KALRN: variants seen among roughly 807,000 people sequenced by gnomAD.
KALRN encodes kalirin.
In KALRN, 70 loss-of-function variants were observed where a neutral mutation model predicts 353.7. The ratio of observed to expected loss-of-function variants is 0.20; its 90% CI spans 0.16 to 0.24. The LOEUF is 0.24. Ranked by LOEUF, KALRN falls within the 10% of genes least tolerant of loss-of-function variation. The probability of loss-of-function intolerance (pLI) is 1.00; values close to 1 mark genes in which losing one functional copy is unlikely to be tolerated. For synonymous variants in KALRN, 1,391 were observed against 1,434.8 expected, an observed-to-expected ratio of 0.97 and a Z score of 0.69; for missense variants, 2,791 against 3,756.7, an observed-to-expected ratio of 0.74 and a Z score of 6.72.
chr3:124,524,230 GT>G (rs1216201497), intron 33 of KALRN, among the ~76,000 whole-genome samples: 1 of 152,104 alleles, frequency 6.6e-6, no homozygotes, highest in Non-Finnish European at 1.5e-5. Context: ...TAGTTGATGA[GT>G]TTTTTCAGCT....
chr3:124,348,080 C>T (rs1368059776), intron 10 of KALRN, among the ~76,000 whole-genome samples: 9 of 152,224 alleles, frequency 5.9e-5, no homozygotes, highest in Middle Eastern at 6.8e-3. Context: ...TTTTCATTTT[C>T]GAGATGAAAT....
At chr3:124,137,492 G>C (rs1275625571) in intron 1 of KALRN, among the ~76,000 whole-genome samples, 1 of 152,122 alleles carries the variant, frequency 6.6e-6, no homozygotes, top group Non-Finnish European at 1.5e-5. Context: ...TTTGTGCAGA[G>C]GATGTAAGGA....
At chr3:124,640,330 A>G (rs1162241929) in intron 37 of KALRN, among the ~76,000 whole-genome samples, 1 of 132,172 alleles carries the variant, frequency 7.6e-6, no homozygotes, top group Admixed American at 8.9e-5. Flanking sequence ...TCTGTCGCCC[A>G]GGCTGGAGTG....
chr3:124,402,296 A>T (rs1354153662), intron 13 of KALRN, among the ~76,000 whole-genome samples: 1 of 152,242 alleles, frequency 6.6e-6, no homozygotes, highest in Non-Finnish European at 1.5e-5. Context: ...TGTTAGTCAG[A>T]TGTTCAAAAC....
intron 1 of KALRN, among the ~76,000 whole-genome samples, chr3:124,177,569 A>G (rs1380168979): frequency 6.6e-6 from 1 of 152,208 alleles, no homozygotes; most frequent in African/African-American, 2.4e-5. Context: ...AGTAATATCC[A>G]TGCAGATTAC....
At chr3:124,055,714 A>T (rs1429095563) in intron 1 of KALRN, among the ~76,000 whole-genome samples, 3 of 152,134 alleles carry the variant, frequency 2.0e-5, no homozygotes, top group Non-Finnish European at 4.4e-5. Context: ...GGTTTCCTGG[A>T]GGCCCTAGAG....
At chr3:124,395,067 C>T (rs1576557014) in intron 11 of KALRN, 68 bp from the exon 12 acceptor site, 16 of 1,270,916 alleles carry the variant, frequency 1.3e-5, no homozygotes, top group Non-Finnish European at 1.7e-5. Context: ...AGTCTAGCTT[C>T]CTTGCCCTCA....
At chr3:124,469,191 A>G (rs1458341131) in intron 25 of KALRN, among the ~76,000 whole-genome samples, 2 of 152,264 alleles carry the variant, frequency 1.3e-5, no homozygotes, top group Admixed American at 1.3e-4. Context: ...TGGCAAAAAC[A>G]TATTCAACAG....
At chr3:124,237,366 C>CTTTTTTTTTTTT (rs551869197) in intron 3 of KALRN, among the ~76,000 whole-genome samples, 1 of 135,630 alleles carries the variant, frequency 7.4e-6, no homozygotes, top group Admixed American at 7.7e-5. Flanking sequence ...TCATTTGATG[C>CTTTTTTTTTTTT]TTTTTTTTTT....
At chr3:124,153,200 C>G (rs1172918025) in intron 1 of KALRN, 1 of 151,202 alleles carries the variant, frequency 6.6e-6, no homozygotes, top group Non-Finnish European at 1.5e-5. Flanking sequence ...ATGTGCCATG[C>G]TGGTGTGCTG....
intron 25 of KALRN, among the ~76,000 whole-genome samples, chr3:124,469,583 G>A (rs1285614267): frequency 6.6e-6 from 1 of 152,180 alleles, no homozygotes; most frequent in Non-Finnish European, 1.5e-5. Context: ...CATGAAGGCA[G>A]TTACCCAGCC....
intron 1 of KALRN, among the ~76,000 whole-genome samples, chr3:124,176,985 A>T (rs1202317938): frequency 1.3e-5 from 2 of 152,188 alleles, no homozygotes; most frequent in East Asian, 3.9e-4. Context: ...AGAGAGGCCC[A>T]TTGGGTCCCA....
intron 1 of KALRN, among the ~76,000 whole-genome samples, chr3:124,137,319 A>T (rs892312449): frequency 2.0e-5 from 3 of 152,146 alleles, no homozygotes; most frequent in African/African-American, 7.2e-5. Flanking sequence ...GCAAGTCCAT[A>T]AGAGTGGGGA....
intron 25 of KALRN, among the ~76,000 whole-genome samples, chr3:124,464,483 G>C (rs1053249486): frequency 2.6e-5 from 4 of 151,980 alleles, no homozygotes; most frequent in African/African-American, 7.3e-5. Context: ...ACAATATATA[G>C]TTCTAAGAAA....
chr3:124,265,298 C>CTTTTTGTTTTT (rs2073376155), intron 4 of KALRN, among the ~76,000 whole-genome samples: 1 of 73,124 alleles, frequency 1.4e-5, no homozygotes, highest in Non-Finnish European at 2.7e-5. Context: ...AGAAAATATT[C>CTTTTTGTTTTT]TTTTTTTTTT....
Position 124,152,255 on chromosome 3 carries a change from G to C in KALRN, c.74-75735G>C. ...TAGATTAGTTCATTTACTGACTTCAGATTTGGGTACCCCTATGCAATATAT... is the reference window on the plus strand; with the variant it reads ...TAGATTAGTTCATTTACTGACTTCACATTTGGGTACCCCTATGCAATATAT... On this transcript the variant is annotated intron_variant, in intron 1 of 59. Transcript: ENST00000682506. 7.2e-6 allele frequency: 11 copies of C among 1,519,666 alleles called. No individual in the cohort carries two copies. The South Asian group carries it at 1.1e-4, about 15-fold the overall frequency. 94.1% of individuals were successfully genotyped at this position (1,519,666 alleles called of 1,614,324 possible).
rs545860862 is a variant in KALRN at position 124,722,460 on chromosome 3, T to C, written c.*2990T>C. The C allele has an allele frequency of 6.6e-6, 1 of 152,224 alleles. No homozygotes were observed. Among genetic ancestry groups the C allele is most frequent in the East Asian group, 1.9e-4 (1 of 5,168 alleles). 9.4% of individuals were successfully genotyped at this position (152,224 alleles called of 1,614,324 possible). On this transcript the variant is annotated 3_prime_UTR_variant, in exon 60 of 60. Transcript: ENST00000682506. ...AGGCCCCAAGAGAAAGGGGGTATAT[T>C]TTATATAGTTTGATAACGGAGGGAA... is the stretch of plus-strand genomic sequence containing the variant.
At position 124,330,246 on chromosome 3, in the gene KALRN, T is replaced by TCTCTCA. The variant is rs1421313474; in HGVS notation, c.1416+255_1416+256insTCTCAC. 5.5e-3 allele frequency among the ~76,000 whole-genome samples: 743 copies of TCTCTCA among 134,366 alleles called. 7 individuals carry two copies. The highest frequency in any genetic ancestry group is 0.019 in the African/African-American group (690 of 36,380). 88.1% of individuals were successfully genotyped at this position (134,366 alleles called of 152,430 possible). A position where few individuals can be genotyped will look rare whatever the true frequency, so the allele number is the denominator to read the frequency against. ...CGCATTCATTCTCTCTCTCTCTCTC[T>TCTCTCA]CACACACACACACACACACACACAC... is the stretch of plus-strand genomic sequence containing the variant. On this transcript the variant is annotated intron_variant, in intron 8 of 59. Transcript: ENST00000682506.
chr3:124,647,878 T>C (rs1047651946), intron 37 of KALRN, among the ~76,000 whole-genome samples: 1 of 152,210 alleles, frequency 6.6e-6, no homozygotes, highest in Non-Finnish European at 1.5e-5. Flanking sequence ...ATTTTAAATA[T>C]GGGGATGACC....
Sources: allele counts gnomAD v4.1 joint callset (sites outside exome capture counted in the v4.1 genomes callset), GRCh38; gene constraint gnomAD v4.1.1; transcripts MANE v1.5; gene names NCBI Gene and HGNC (gene_info 2026-07-23, HGNC 2026-07-21).